Variants in PPFIA2 observed in about 807,000 individuals in gnomAD.
PPFIA2 encodes PPFI scaffold protein A2.
A neutral mutation model predicts 175.5 loss-of-function variants in PPFIA2; 46 were observed. The observed-to-expected ratio is 0.26, with a 90% CI of 0.21 to 0.34. The LOEUF (loss-of-function observed/expected upper bound fraction) is 0.34, where lower values mean the gene tolerates loss of function less well. Among genes scored for constraint, PPFIA2 ranks in the 10% least tolerant of loss-of-function variants. The pLI is 1.00. For missense variants in PPFIA2, 1,179 were observed against 1,506.1 expected, an observed-to-expected ratio of 0.78 and a Z score of 3.60; for synonymous variants, 568 against 511.4, an observed-to-expected ratio of 1.11 and a Z score of -1.49.
At chr12:81,679,728 AGTTCAT>A (rs2073252057) in intron 3 of PPFIA2, among the ~76,000 whole-genome samples, 1 of 151,934 alleles carries the variant, frequency 6.6e-6, no homozygotes, top group South Asian at 2.1e-4. Flanking sequence ...AAAATGTTTG[AGTTCAT>A]GTTCTATTTT....
intron 4 of PPFIA2, among the ~76,000 whole-genome samples, chr12:81,646,840 T>A (rs2066155951): frequency 6.7e-6 from 1 of 148,562 alleles, no homozygotes; most frequent in Admixed American, 6.8e-5. Flanking sequence ...ACCAATGCAA[T>A]GTTTGGTATG....
At chr12:81,284,417 T>C in intron 24 of PPFIA2, 114 bp from the exon 25 acceptor site, 2 of 758,984 alleles carry the variant, frequency 2.6e-6, no homozygotes, top group Non-Finnish European at 4.6e-6. Context: ...ACAGTGCCCT[T>C]GCCCCTACCG....
chr12:81,295,688 A>C (rs2046277495), intron 23 of PPFIA2, among the ~76,000 whole-genome samples: 1 of 152,202 alleles, frequency 6.6e-6, no homozygotes. Context: ...TTAATAATGC[A>C]TCAGAAATTA....
At chr12:81,452,441 T>C (rs2052759922) in intron 5 of PPFIA2, among the ~76,000 whole-genome samples, 1 of 152,188 alleles carries the variant, frequency 6.6e-6, no homozygotes, top group Non-Finnish European at 1.5e-5. Flanking sequence ...ACCCACTCCA[T>C]ATCTTTTACC....
chr12:81,281,261 G>A lies in PPFIA2; in HGVS notation c.3208C>T (p.His1070Tyr). 6.3e-7 allele frequency: 1 copy of A among 1,585,328 alleles called. No individual in the cohort carries two copies. Among genetic ancestry groups the A allele is most frequent in the Non-Finnish European group, 8.6e-7 (1 of 1,164,772 alleles). Residue 1070 changes from histidine (H) to tyrosine (Y), a missense_variant, in exon 27 of 33, where the codon CAT becomes TAT. Around this residue, in one of 10 missense-constraint regions of PPFIA2, gnomAD observed 245 missense variants for 375.1 expected, o/e 0.65. Coordinates refer to ENST00000549396, the MANE Select transcript of PPFIA2 (RefSeq NM_003625.5). Reference sequence around the variant, plus strand: ...AAAAAAAGAAAAAACACCTACCGATGGAAACTATCCACCATTTTTAAATGG... The same window carrying A: ...AAAAAAAGAAAAAACACCTACCGATAGAAACTATCCACCATTTTTAAATGG... Reference protein sequence around the residue: ...RVHLKMVDSFHRTSLQYGIMC... With the variant: ...RVHLKMVDSFYRTSLQYGIMC...
chr12:81,282,857 G>A, intron 26 of PPFIA2, 153 bp downstream of exon 26: 1 of 533,188 alleles, frequency 1.9e-6, no homozygotes, highest in South Asian at 3.6e-5. Context: ...GACATATAAA[G>A]TATTAAACAT....
chr12:81,551,168 C>T (rs886446011), intron 4 of PPFIA2, among the ~76,000 whole-genome samples: 1 of 151,862 alleles, frequency 6.6e-6, no homozygotes, highest in African/African-American at 2.4e-5. Context: ...CAAGGTCAGA[C>T]AGCAGGACTT....
chr12:81,370,644 T>C (rs113365755), intron 11 of PPFIA2, among the ~76,000 whole-genome samples: 1,824 of 151,964 alleles, frequency 0.012, 18 homozygotes, highest in Non-Finnish European at 0.02. Context: ...AGTTTCCTTG[T>C]AAGCTCATGT....
intron 2 of PPFIA2, among the ~76,000 whole-genome samples, chr12:81,757,244 GTCAT>G (rs2084828919): frequency 6.6e-6 from 1 of 152,088 alleles, no homozygotes; most frequent in Non-Finnish European, 1.5e-5. Flanking sequence ...GAAGGCTATG[GTCAT>G]TCAATGTCTA....
intron 4 of PPFIA2, among the ~76,000 whole-genome samples, chr12:81,540,927 G>C (rs1047253822): frequency 1.3e-5 from 2 of 151,936 alleles, no homozygotes; most frequent in Non-Finnish European, 2.9e-5. Context: ...AACAATTAAA[G>C]TTGGTGCCTC....
intron 4 of PPFIA2, among the ~76,000 whole-genome samples, chr12:81,611,165 A>G (rs1235291110): frequency 6.6e-6 from 1 of 152,038 alleles, no homozygotes; most frequent in Non-Finnish European, 1.5e-5. Context: ...AGCCCTCTAC[A>G]GTCACCAGCG....
chr12:81,507,150 T>C (rs367812772), intron 4 of PPFIA2, among the ~76,000 whole-genome samples: 35 of 152,344 alleles, frequency 2.3e-4, no homozygotes, highest in African/African-American at 7.9e-4. Context: ...CTTCCATTCA[T>C]AGATAAGCCT....
chr12:81,496,392 C>T (rs1305172745), intron 4 of PPFIA2, among the ~76,000 whole-genome samples: 1 of 152,080 alleles, frequency 6.6e-6, no homozygotes, highest in Non-Finnish European at 1.5e-5. Context: ...TTAGATAATG[C>T]TATTATATCA....
intron 5 of PPFIA2, among the ~76,000 whole-genome samples, chr12:81,448,966 A>G (rs1029251909): frequency 2.0e-5 from 3 of 152,212 alleles, no homozygotes; most frequent in Non-Finnish European, 4.4e-5. Context: ...ACTATTTATT[A>G]GAGTCATAGT....
chr12:81,373,362 T>C (rs2035635206), intron 11 of PPFIA2, among the ~76,000 whole-genome samples: 2 of 152,006 alleles, frequency 1.3e-5, no homozygotes, highest in Non-Finnish European at 2.9e-5. Context: ...GTCTAGGTTA[T>C]AGTCATTTAA....
At chr12:81,528,213 TAGAC>T (rs2063980551) in intron 4 of PPFIA2, among the ~76,000 whole-genome samples, 3 of 152,094 alleles carry the variant, frequency 2.0e-5, no homozygotes, top group Non-Finnish European at 2.9e-5. Context: ...TCACCAACAA[TAGAC>T]AGAGGATCTG....
chr12:81,495,514 A>C (rs1439383923), intron 4 of PPFIA2, among the ~76,000 whole-genome samples: 1 of 152,122 alleles, frequency 6.6e-6, no homozygotes, highest in African/African-American at 2.4e-5. Context: ...TTGATTTTAA[A>C]ATGTGTAGGG....
rs548736277 is a variant in PPFIA2, at chr12:81,284,665, T to C, written c.2926-362A>G. ...TGATTAAATTTGAACTGTAGAATAA[T>C]GTAATTTTAATTTTTTACTCAGAAA... On this transcript the variant is annotated intron_variant, in intron 24 of 32. Coordinates refer to ENST00000549396, the MANE Select transcript of PPFIA2 (RefSeq NM_003625.5). Among the ~76,000 whole-genome samples, 10 of 152,304 alleles carry C rather than the reference T, an allele frequency of 6.6e-5. No homozygotes were observed. The South Asian group carries it at 2.1e-3, about 32-fold the overall frequency.
chr12:81,313,188 C>A (rs1253871219), intron 22 of PPFIA2, among the ~76,000 whole-genome samples: 1 of 152,058 alleles, frequency 6.6e-6, no homozygotes, highest in Admixed American at 6.6e-5. Flanking sequence ...AACAAAAATT[C>A]ATGAGAGTAT....
Sources: allele counts gnomAD v4.1 joint callset (sites outside exome capture counted in the v4.1 genomes callset), GRCh38; gene constraint gnomAD v4.1.1; regional missense constraint gnomAD v4.1.1; transcripts MANE v1.5; gene names NCBI Gene and HGNC (gene_info 2026-07-23, HGNC 2026-07-21).